The following LRP1B variants were observed in gnomAD, a reference collection of about 807,000 sequenced individuals.
LRP1B encodes low-density lipoprotein receptor-related protein 1B.
Under a neutral mutation model 556.6 loss-of-function variants are expected in LRP1B, and 217 were observed. That is an observed-to-expected ratio of 0.39 (90% CI 0.35 to 0.44). LRP1B has a LOEUF of 0.44. LRP1B is among the 20% of genes least tolerant of loss of function. The pLI is 1.00. For synonymous variants in LRP1B, 2,047 were observed against 1,865.8 expected (o/e 1.10, Z -2.50); for missense variants, 5,053 against 5,620.8 (o/e 0.90, Z 3.23).
intron 1 of LRP1B, among the ~76,000 whole-genome samples, chr2:142,077,275 A>G (rs1187530197): frequency 6.6e-6 from 1 of 152,100 alleles, no homozygotes; most frequent in Non-Finnish European, 1.5e-5. Flanking sequence ...ATAAAGAGTT[A>G]GAATTCAAAT....
intron 3 of LRP1B, among the ~76,000 whole-genome samples, chr2:141,472,793 T>C (rs34470585): frequency 0.14 from 16,866 of 116,336 alleles, 1,047 homozygotes; most frequent in African/African-American, 0.18. Flanking sequence ...AAACTACTAG[T>C]AGGCAGTTTA....
intron 3 of LRP1B, among the ~76,000 whole-genome samples, chr2:141,259,433 T>C (rs1351149565): frequency 2.0e-5 from 3 of 152,220 alleles, no homozygotes; most frequent in African/African-American, 7.2e-5. Context: ...TGGAACCGTA[T>C]TTTTGTCTTC....
rs753287267 is a variant in LRP1B, at chr2:140,386,060, C to G, written c.10415-51G>C. ...CATTGTAGATTTCCATGAAGACATC[C>G]CTCACAACGTCCTCACTGCCATGCC... On this transcript the variant is annotated intron_variant, in intron 66 of 90. Transcript: ENST00000389484. 3 of 1,118,610 alleles carry G rather than the reference C, an allele frequency of 2.7e-6. No homozygotes were observed. The Admixed American group carries it at 5.6e-5, about 21-fold the overall frequency. The allele number at this position is 1,118,610 out of a possible 1,614,324, so 69.3% of individuals were successfully genotyped here.
At chr2:141,612,381 A>T (rs1285942287) in intron 2 of LRP1B, among the ~76,000 whole-genome samples, 1 of 152,184 alleles carries the variant, frequency 6.6e-6, no homozygotes. Flanking sequence ...AGTTTGAGGA[A>T]TCCCTATTAG....
chr2:141,212,690 T>C (rs1485092265), intron 6 of LRP1B, among the ~76,000 whole-genome samples: 1 of 152,070 alleles, frequency 6.6e-6, no homozygotes, highest in Non-Finnish European at 1.5e-5. Context: ...TATAGTTCTC[T>C]AGGTATATGC....
At chr2:141,591,579 G>A (rs996829918) in intron 2 of LRP1B, among the ~76,000 whole-genome samples, 12 of 78,932 alleles carry the variant, frequency 1.5e-4, no homozygotes, top group African/African-American at 4.4e-4. Context: ...CAACTGCAGA[G>A]TGGTGTGTGT....
chr2:140,416,321 A>T (rs891452884), intron 66 of LRP1B, among the ~76,000 whole-genome samples: 3 of 152,164 alleles, frequency 2.0e-5, no homozygotes, highest in Admixed American at 2.0e-4. Flanking sequence ...ACAGATTAAC[A>T]TTAGCAGATA....
chr2:141,583,019 G>A (rs1054717941), intron 2 of LRP1B, among the ~76,000 whole-genome samples: 19 of 151,858 alleles, frequency 1.3e-4, no homozygotes, highest in Non-Finnish European at 2.5e-4. Flanking sequence ...TGTATTTTTA[G>A]TAGAGAGGGG....
At chr2:140,415,239 C>CT (rs1251796091) in intron 66 of LRP1B, among the ~76,000 whole-genome samples, 2 of 149,930 alleles carry the variant, frequency 1.3e-5, no homozygotes, top group Admixed American at 1.3e-4. Flanking sequence ...AGTAGTTCTG[C>CT]TTTTGCCCTC....
chr2:142,043,576 T>C (rs1177229088), intron 1 of LRP1B, among the ~76,000 whole-genome samples: 1 of 151,608 alleles, frequency 6.6e-6, no homozygotes, highest in Non-Finnish European at 1.5e-5. Context: ...GGAGGGAAAG[T>C]ATATATCATC....
At chr2:141,613,360 G>A (rs1242459096) in intron 2 of LRP1B, among the ~76,000 whole-genome samples, 2 of 152,046 alleles carry the variant, frequency 1.3e-5, no homozygotes, top group African/African-American at 2.4e-5. Context: ...TTGCATGACC[G>A]TTTATTTAAA....
intron 83 of LRP1B, among the ~76,000 whole-genome samples, chr2:140,309,759 A>G (rs543710951): frequency 1.3e-5 from 2 of 151,982 alleles, no homozygotes; most frequent in African/African-American, 4.8e-5. Context: ...ATACAAAAGT[A>G]TAAAGAAAGA....
chr2:140,658,692 T>C (rs1684976933), intron 41 of LRP1B, among the ~76,000 whole-genome samples: 1 of 135,202 alleles, frequency 7.4e-6, no homozygotes, highest in Non-Finnish European at 1.6e-5. Context: ...TACATTTATT[T>C]ATTTATTTAT....
chr2:140,536,461 A>C, intron 46 of LRP1B, 120 bp downstream of exon 46: 1 of 909,546 alleles, frequency 1.1e-6, no homozygotes, highest in South Asian at 1.7e-5. Context: ...CCTTAGATAC[A>C]GGTTAATGAG....
At chr2:142,020,659 C>G (rs12998295) in intron 1 of LRP1B, among the ~76,000 whole-genome samples, 9,130 of 152,008 alleles carry the variant, frequency 0.06, 388 homozygotes, top group Admixed American at 0.094. Flanking sequence ...AGTGGCTCAG[C>G]TAATTAGAAC....
At chr2:141,640,168 C>G (rs1341478632) in intron 2 of LRP1B, among the ~76,000 whole-genome samples, 1 of 152,112 alleles carries the variant, frequency 6.6e-6, no homozygotes, top group Non-Finnish European at 1.5e-5. Flanking sequence ...AAGTGAGAAC[C>G]AAGATTCTTA....
chr2:141,166,095 C>T (rs925028310), intron 7 of LRP1B, among the ~76,000 whole-genome samples: 1 of 151,876 alleles, frequency 6.6e-6, no homozygotes, highest in Non-Finnish European at 1.5e-5. Flanking sequence ...ACCCCACATA[C>T]GCTATGTTTT....
At chr2:140,315,455 C>T (rs1011573465) in intron 82 of LRP1B, among the ~76,000 whole-genome samples, 3 of 151,932 alleles carry the variant, frequency 2.0e-5, no homozygotes, top group Admixed American at 1.3e-4. Context: ...CTCTGTCACC[C>T]AGACTGGTGG....
chr2:141,358,001 G>A (rs1472953570), intron 3 of LRP1B, among the ~76,000 whole-genome samples: 1 of 152,090 alleles, frequency 6.6e-6, no homozygotes, highest in African/African-American at 2.4e-5. Context: ...CTTCTTCAAA[G>A]ACACAATTAT....
Sources: allele counts gnomAD v4.1 joint callset (sites outside exome capture counted in the v4.1 genomes callset), GRCh38; gene constraint gnomAD v4.1.1; transcripts MANE v1.5; gene names NCBI Gene and HGNC (gene_info 2026-07-23, HGNC 2026-07-21).